GLIS3: variants seen among roughly 807,000 people sequenced by gnomAD.
GLIS3 encodes the protein zinc finger protein GLIS3.
A neutral mutation model predicts 78.6 loss-of-function variants in GLIS3; 53 were observed. That is an observed-to-expected ratio of 0.67 (90% CI 0.54 to 0.85). The LOEUF (loss-of-function observed/expected upper bound fraction) is 0.85, where lower values mean the gene tolerates loss of function less well. Ranked by LOEUF, GLIS3 falls within the 40% of genes least tolerant of loss-of-function variation. The pLI is 0.00. For synonymous variants in GLIS3, 684 were observed against 509.9 expected (o/e 1.34, Z -4.60); for missense variants, 1,703 against 1,231.1 (o/e 1.38, Z -5.74).
intron 2 of GLIS3, among the ~76,000 whole-genome samples, chr9:4,343,222 G>A (rs905577329): frequency 2.0e-5 from 3 of 152,078 alleles, no homozygotes; most frequent in Admixed American, 2.0e-4. Context: ...CACCCCTGTG[G>A]TCCCAGCTAC....
At chr9:4,204,180 G>C (rs1819645095) in intron 2 of GLIS3, among the ~76,000 whole-genome samples, 1 of 152,094 alleles carries the variant, frequency 6.6e-6, no homozygotes, top group Admixed American at 6.6e-5. Context: ...TACTATGAAG[G>C]AAAAGCACTA....
chr9:3,917,101 A>C (rs909380076), intron 6 of GLIS3, among the ~76,000 whole-genome samples: 10 of 152,244 alleles, frequency 6.6e-5, no homozygotes, highest in African/African-American at 2.4e-4. Flanking sequence ...TTTAAAAGGC[A>C]AAAATGCACG....
At chr9:4,395,566 T>TAC in the GLIS3 span, among the ~76,000 whole-genome samples, 1 of 152,142 alleles carries the variant, frequency 6.6e-6, no homozygotes, top group African/African-American at 2.4e-5. Flanking sequence ...GGGAAGGTGA[T>TAC]ACCTCTCCTT....
chr9:4,290,456 G>T lies in GLIS3; in HGVS notation c.-98-3933C>A, dbSNP rs191034788. ...TCATTAATGCCGCCTTTTCAACATCGCTGCCTTGTTAATAGGTCCCTGCTA... is the reference window on the plus strand; with the variant it reads ...TCATTAATGCCGCCTTTTCAACATCTCTGCCTTGTTAATAGGTCCCTGCTA... On this transcript the variant is annotated intron_variant, in intron 1 of 10. Transcript: ENST00000381971. Among the ~76,000 whole-genome samples, 965 of 151,810 alleles carry T rather than the reference G, an allele frequency of 6.4e-3. 6 individuals carry two copies. The highest frequency in any genetic ancestry group is 0.022 in the African/African-American group (901 of 41,378).
At chr9:4,270,720 C>T (rs1826421645) in intron 2 of GLIS3, among the ~76,000 whole-genome samples, 1 of 152,236 alleles carries the variant, frequency 6.6e-6, no homozygotes, top group South Asian at 2.1e-4. Flanking sequence ...GTGTGACGAT[C>T]TCTGAGCTAG....
intron 4 of GLIS3, among the ~76,000 whole-genome samples, chr9:4,117,502 A>C (rs557114048): frequency 3.3e-5 from 5 of 152,132 alleles, no homozygotes; most frequent in Non-Finnish European, 5.9e-5. Flanking sequence ...CCTGGCTGGC[A>C]TCTCCTTTCC....
the GLIS3 span, among the ~76,000 whole-genome samples, chr9:4,434,026 G>T: frequency 1.3e-5 from 2 of 151,300 alleles, no homozygotes; most frequent in African/African-American, 4.9e-5. Flanking sequence ...AACCCAGGAG[G>T]TGGAGGTTGC....
chr9:3,906,658 T>G (rs1823722178), intron 6 of GLIS3, among the ~76,000 whole-genome samples: 1 of 152,174 alleles, frequency 6.6e-6, no homozygotes, highest in Non-Finnish European at 1.5e-5. Context: ...ACCAACTCCT[T>G]GCTGCATTTC....
the GLIS3 span, among the ~76,000 whole-genome samples, chr9:4,431,477 C>G: frequency 1.3e-5 from 2 of 152,294 alleles, no homozygotes; most frequent in Non-Finnish European, 2.9e-5. Flanking sequence ...TGTAGTCAAT[C>G]AGGGAGTCGG....
At chr9:4,201,777 G>A (rs1464745525) in intron 2 of GLIS3, among the ~76,000 whole-genome samples, 1 of 152,134 alleles carries the variant, frequency 6.6e-6, no homozygotes, top group African/African-American at 2.4e-5. Flanking sequence ...GCAATCTACA[G>A]ATTCAGTGCT....
At chr9:4,421,660 C>T in the GLIS3 span, among the ~76,000 whole-genome samples, 1 of 152,244 alleles carries the variant, frequency 6.6e-6, no homozygotes, top group South Asian at 2.1e-4. Flanking sequence ...GCATAGCTCA[C>T]TGCCTTGTCT....
At chr9:3,943,612 T>C (rs1816091689) in intron 4 of GLIS3, among the ~76,000 whole-genome samples, 3 of 152,250 alleles carry the variant, frequency 2.0e-5, no homozygotes, top group African/African-American at 7.2e-5. Context: ...GGGAAATCAG[T>C]GTAACCCAAA....
intron 2 of GLIS3, among the ~76,000 whole-genome samples, chr9:4,222,908 G>C (rs549898229): frequency 6.6e-6 from 1 of 152,128 alleles, no homozygotes; most frequent in Non-Finnish European, 1.5e-5. Context: ...CAGAGGGAAC[G>C]GGGAATAATG....
the GLIS3 span, among the ~76,000 whole-genome samples, chr9:4,457,359 T>C: frequency 1.3e-3 from 190 of 144,526 alleles, no homozygotes; most frequent in Middle Eastern, 3.5e-3. Context: ...AGACCTTGTC[T>C]CAAAAAAAAA....
chr9:4,114,832 T>A (rs1294150415), intron 4 of GLIS3, among the ~76,000 whole-genome samples: 2 of 151,964 alleles, frequency 1.3e-5, no homozygotes, highest in Non-Finnish European at 2.9e-5. Flanking sequence ...TACACAAGGG[T>A]GGAGTTGTCG....
At chr9:4,471,395 T>A in the GLIS3 span, among the ~76,000 whole-genome samples, 18 of 152,274 alleles carry the variant, frequency 1.2e-4, no homozygotes, top group South Asian at 3.1e-3. Flanking sequence ...ATGGTACTGG[T>A]ACCAAAAGAG....
intron 1 of GLIS3, among the ~76,000 whole-genome samples, chr9:4,288,044 C>T (rs1828147748): frequency 6.6e-6 from 1 of 151,982 alleles, no homozygotes; most frequent in African/African-American, 2.4e-5. Flanking sequence ...TCACTCCTGC[C>T]CTCTTCTCCC....
At chr9:4,415,373 T>C in the GLIS3 span, among the ~76,000 whole-genome samples, 2 of 152,212 alleles carry the variant, frequency 1.3e-5, no homozygotes, top group Non-Finnish European at 1.5e-5. Flanking sequence ...TTACCACGCA[T>C]TTGACATTTG....
chr9:3,969,145 G>A (rs2130914010), intron 4 of GLIS3, among the ~76,000 whole-genome samples: 1 of 152,334 alleles, frequency 6.6e-6, no homozygotes, highest in Admixed American at 6.5e-5. Context: ...GTAGTGTGAT[G>A]AAATGCATAT....
Sources: gnomAD v4.1 joint callset for allele counts (sites outside exome capture counted in the v4.1 genomes callset) on GRCh38, gnomAD v4.1.1 for gene constraint, MANE v1.5 for transcripts, NCBI Gene and HGNC (gene_info 2026-07-23, HGNC 2026-07-21) for gene names.